The following WSCD2 variants were observed in gnomAD, a reference collection of about 807,000 sequenced individuals.
WSCD2 encodes sialate:O-sulfotransferase 2.
Under a neutral mutation model 55.7 loss-of-function variants are expected in WSCD2, and 28 were observed. The observed-to-expected ratio is 0.50, with a 90% CI of 0.37 to 0.69. The LOEUF (loss-of-function observed/expected upper bound fraction) is 0.69, where lower values mean the gene tolerates loss of function less well. Among genes scored for constraint, WSCD2 ranks in the 30% least tolerant of loss-of-function variants. The pLI, the probability that WSCD2 is intolerant of heterozygous loss-of-function variation, is 0.00. For synonymous variants in WSCD2, 301 were observed against 301.9 expected (o/e 1.00, Z 0.03); for missense variants, 616 against 762.1 (o/e 0.81, Z 2.26).
chr12:108,160,957 A>G (rs1232663271), intron 1 of WSCD2, among the ~76,000 whole-genome samples: 1 of 152,172 alleles, frequency 6.6e-6, no homozygotes, highest in African/African-American at 2.4e-5. Context: ...TAAAGTGGTA[A>G]TAATAACAGA....
At chr12:108,147,822 A>T (rs1353084651) in intron 1 of WSCD2, among the ~76,000 whole-genome samples, 2 of 151,502 alleles carry the variant, frequency 1.3e-5, no homozygotes, top group East Asian at 3.9e-4. Flanking sequence ...ACACCACTGC[A>T]CCCCAGCCTG....
At chr12:108,220,191 C>T (rs958573827) in intron 4 of WSCD2, among the ~76,000 whole-genome samples, 1 of 152,220 alleles carries the variant, frequency 6.6e-6, no homozygotes, top group African/African-American at 2.4e-5. Context: ...GGGCAAGTCA[C>T]TTCCCCTCTG....
chr12:108,184,406 G>A (rs1882193312), intron 1 of WSCD2, among the ~76,000 whole-genome samples: 1 of 152,202 alleles, frequency 6.6e-6, no homozygotes, highest in Non-Finnish European at 1.5e-5. Context: ...ACTCCTGGTG[G>A]AAAGTTCCTC....
intron 7 of WSCD2, among the ~76,000 whole-genome samples, chr12:108,237,833 G>A (rs993401078): frequency 6.6e-6 from 1 of 152,168 alleles, no homozygotes; most frequent in Non-Finnish European, 1.5e-5. Flanking sequence ...TAAATACTGT[G>A]CTAAATTGAC....
Position 108,248,162 on chromosome 12 carries a change from G to T in WSCD2, c.1517G>T (p.Arg506Leu). Reference protein sequence around the residue: ...SLLGVAVREDRLLCVESQKDG... With the variant: ...SLLGVAVREDLLLCVESQKDG... ...CTGGGCGTGGCTGTCAGGGAGGACC[G>T]GCTGCTCTGTGTGGAGAGCCAGAAG... Residue 506 changes from arginine (R) to leucine (L), a missense_variant, in exon 9 of 9, where the codon CGG becomes CTG. Arg to Leu is a moderately radical substitution (Grantham distance 102, BLOSUM62 -2). Coordinates refer to ENST00000547525, the MANE Select transcript of WSCD2 (RefSeq NM_014653.4). The surrounding 1 kb of genome is among the most constrained non-coding windows in gnomAD (Gnocchi z 4.3). 7 of 1,614,200 alleles carry T rather than the reference G, an allele frequency of 4.3e-6. No homozygotes were observed. Among genetic ancestry groups the T allele is most frequent in the Non-Finnish European group, 5.9e-6 (7 of 1,180,034 alleles).
chr12:108,248,408 C>T lies in WSCD2; in HGVS notation c.*65C>T, dbSNP rs1438935740. ...CACGCAGGCCCTGGGGACTCAAGAC[C>T]CCTGGTTACCCCCACTCATCTGTCC... On this transcript the variant is annotated 3_prime_UTR_variant, in exon 9 of 9. Transcript: ENST00000547525. The surrounding 1 kb of genome is among the most constrained non-coding windows in gnomAD (Gnocchi z 4.3). The T allele has an allele frequency of 6.5e-7, 1 of 1,535,544 alleles. No homozygotes were observed. The highest frequency in any genetic ancestry group is 1.4e-5 in the African/African-American group (1 of 73,056).
At chr12:108,209,532 A>G (rs1440242433) in intron 3 of WSCD2, among the ~76,000 whole-genome samples, 3 of 152,010 alleles carry the variant, frequency 2.0e-5, no homozygotes, top group African/African-American at 4.8e-5. Context: ...GAGTGTGAAT[A>G]TGGACATGGT....
chr12:108,233,760 TGA>T (rs1239548360), intron 7 of WSCD2, among the ~76,000 whole-genome samples: 1 of 152,262 alleles, frequency 6.6e-6, no homozygotes, highest in Non-Finnish European at 1.5e-5. Context: ...GGTTTCTTAC[TGA>T]GGAACAAGAA....
chr12:108,142,530 T>C (rs561369856), intron 1 of WSCD2, among the ~76,000 whole-genome samples: 1 of 152,236 alleles, frequency 6.6e-6, no homozygotes, highest in Non-Finnish European at 1.5e-5. Flanking sequence ...ATAATTTACT[T>C]CAATCTCCTT....
chr12:108,195,662 C>A lies in WSCD2; in HGVS notation c.-171C>A. Reference sequence around the variant, plus strand: ...ATCCTTTCTCATGGCCTCAGCCAAGCATTGAACTTGCCCTCCCCTTCTGGC... The same window carrying A: ...ATCCTTTCTCATGGCCTCAGCCAAGAATTGAACTTGCCCTCCCCTTCTGGC... On this transcript the variant is annotated 5_prime_UTR_variant, in exon 2 of 9. Coordinates refer to ENST00000547525, the MANE Select transcript of WSCD2 (RefSeq NM_014653.4). The A allele has an allele frequency of 1.1e-6, 1 of 894,106 alleles. No homozygotes were observed. The highest frequency in any genetic ancestry group is 1.6e-6 in the Non-Finnish European group (1 of 606,164). 55.4% of individuals were successfully genotyped at this position (894,106 alleles called of 1,614,324 possible). A position where few individuals can be genotyped will look rare whatever the true frequency, so the allele number is the denominator to read the frequency against.
chr12:108,182,694 C>A (rs1466558850), intron 1 of WSCD2, among the ~76,000 whole-genome samples: 2 of 152,208 alleles, frequency 1.3e-5, no homozygotes, highest in African/African-American at 4.8e-5. Flanking sequence ...TAAATCAGCA[C>A]TTTACATAAG....
intron 1 of WSCD2, among the ~76,000 whole-genome samples, chr12:108,192,834 C>T (rs1038433380): frequency 1.3e-5 from 2 of 152,158 alleles, no homozygotes; most frequent in African/African-American, 4.8e-5. Context: ...GTTGCAGACC[C>T]TCACTTCCCT....
intron 1 of WSCD2, among the ~76,000 whole-genome samples, chr12:108,187,356 G>A (rs1287293869): frequency 6.6e-6 from 1 of 152,198 alleles, no homozygotes; most frequent in African/African-American, 2.4e-5. Flanking sequence ...TGGGCAAAGG[G>A]TATTGTCATG....
intron 1 of WSCD2, among the ~76,000 whole-genome samples, chr12:108,169,073 G>A (rs1447220622): frequency 2.0e-5 from 3 of 152,158 alleles, no homozygotes; most frequent in African/African-American, 7.2e-5. Flanking sequence ...ACCCCACTGT[G>A]AACTGCGAAT....
chr12:108,139,368 C>T (rs1876546902), intron 1 of WSCD2, among the ~76,000 whole-genome samples: 1 of 152,214 alleles, frequency 6.6e-6, no homozygotes, highest in Non-Finnish European at 1.5e-5. Flanking sequence ...GACTCCCTCA[C>T]CAGCCCTTGT....
At position 108,196,156 on chromosome 12, in the gene WSCD2, T is replaced by A; in HGVS notation, c.324T>A (p.Gly108=). The A allele has an allele frequency of 1.2e-6, 2 of 1,613,792 alleles. No homozygotes were observed. Among genetic ancestry groups the A allele is most frequent in the Non-Finnish European group, 1.7e-6 (2 of 1,179,960 alleles). The change falls in exon 2 of 9, where the codon GGT becomes GGA. Residue 108 remains glycine (G), a synonymous_variant. Transcript: ENST00000547525. The stretch of plus-strand genomic sequence containing the variant: ...AGAGAGCCAAGCTTGGCGACTACGG[T>A]GGAGCCTGGAGCCGAGCCCTCAAGG... ...GNERAKLGDY[G]GAWSRALKGR...
At position 108,135,052 on chromosome 12, in the gene WSCD2, C is replaced by T. The variant is rs562882576; in HGVS notation, c.-552+5126C>T. On this transcript the variant is annotated intron_variant, in intron 1 of 8. Coordinates refer to ENST00000547525, the MANE Select transcript of WSCD2 (RefSeq NM_014653.4). ...CCTTCACTCACCTGGAGGTTTGGTT[C>T]GCGGAAGTGAATCATGTCACAGAAG... 5.3e-5 allele frequency among the ~76,000 whole-genome samples: 8 copies of T among 152,240 alleles called. No individual in the cohort carries two copies. The South Asian group carries it at 1.0e-3, about 20-fold the overall frequency.
chr12:108,203,032 G>A (rs1304375846), intron 2 of WSCD2, among the ~76,000 whole-genome samples: 1 of 152,128 alleles, frequency 6.6e-6, no homozygotes, highest in Non-Finnish European at 1.5e-5. Flanking sequence ...GACTCAGTGT[G>A]GCATATAGGA....
At chr12:108,218,658 TAGAGGATGC>T (rs1430537738) in intron 4 of WSCD2, among the ~76,000 whole-genome samples, 1 of 152,166 alleles carries the variant, frequency 6.6e-6, no homozygotes, top group Admixed American at 6.5e-5. Context: ...GCCATGCTCT[TAGAGGATGC>T]AAGGGTGACT....
Sources: allele counts gnomAD v4.1 joint callset (sites outside exome capture counted in the v4.1 genomes callset), GRCh38; gene constraint gnomAD v4.1.1; non-coding constraint Gnocchi (gnomAD v3.1); transcripts MANE v1.5; gene names NCBI Gene and HGNC (gene_info 2026-07-23, HGNC 2026-07-21).